Variants in PTPRU observed in about 807,000 individuals in gnomAD.
PTPRU encodes the protein protein tyrosine phosphatase receptor type U.
A neutral mutation model predicts 166.3 loss-of-function variants in PTPRU; 69 were observed. The ratio of observed to expected loss-of-function variants is 0.41; its 90% confidence interval spans 0.34 to 0.51. PTPRU has a LOEUF of 0.51. PTPRU is among the 20% of genes least tolerant of loss of function. The pLI is 0.09. For synonymous variants in PTPRU, 793 were observed against 814.0 expected, an observed-to-expected ratio of 0.97 and a Z score of 0.44; for missense variants, 1,657 against 2,013.7, an observed-to-expected ratio of 0.82 and a Z score of 3.39.
intron 11 of PTPRU, among the ~76,000 whole-genome samples, chr1:29,282,174 C>CA (rs1686108681): frequency 6.6e-6 from 1 of 152,204 alleles, no homozygotes; most frequent in Non-Finnish European, 1.5e-5. Context: ...TAGTGTATAG[C>CA]ACAGGGCTCA....
intron 7 of PTPRU, among the ~76,000 whole-genome samples, chr1:29,261,395 T>C (rs1685061074): frequency 6.6e-6 from 1 of 152,224 alleles, no homozygotes; most frequent in Non-Finnish European, 1.5e-5. Context: ...TGAGGTCTGC[T>C]CTTCCTTGTT....
chr1:29,262,269 A>G (rs974902378), intron 7 of PTPRU, among the ~76,000 whole-genome samples: 4 of 152,264 alleles, frequency 2.6e-5, no homozygotes, highest in Non-Finnish European at 4.4e-5. Flanking sequence ...ATCAGAGTAT[A>G]TAACCTCTAG....
rs1687867940 is a variant in PTPRU, at chr1:29,315,599, G to C, written c.3363+92G>C. ...TGGAGCCGGCAGAGCATGCCCAAAG[G>C]GTGTCCTGAGGCTCTTGCCTTCCCT... is the stretch of plus-strand genomic sequence containing the variant. On this transcript the variant is annotated intron_variant, in intron 23 of 29. Coordinates refer to ENST00000373779, the MANE Select transcript of PTPRU (RefSeq NM_133178.4). This position sits in a 1 kb window ranked among gnomAD's most constrained non-coding sequence, Gnocchi z 4.5. The C allele has an allele frequency of 1.3e-6, 2 of 1,541,648 alleles. No homozygotes were observed. The highest frequency in any genetic ancestry group is 2.3e-5 in the East Asian group (1 of 44,432).
At chr1:29,267,972 G>A (rs1685377543) in intron 7 of PTPRU, among the ~76,000 whole-genome samples, 1 of 152,190 alleles carries the variant, frequency 6.6e-6, no homozygotes, top group African/African-American at 2.4e-5. Context: ...TGCATTTGCT[G>A]ATGGATTGAA....
At chr1:29,286,423 T>C (rs897199275) in intron 14 of PTPRU, among the ~76,000 whole-genome samples, 3 of 151,926 alleles carry the variant, frequency 2.0e-5, no homozygotes, top group African/African-American at 7.3e-5. Context: ...TTTTTTTGGA[T>C]GAAGAAACTG....
intron 12 of PTPRU, 82 bp downstream of exon 12, chr1:29,283,031 C>G (rs1686161869): frequency 1.3e-6 from 2 of 1,548,744 alleles, no homozygotes; most frequent in Non-Finnish European, 1.7e-6. Flanking sequence ...GCAGGCCCAG[C>G]GCAGACTCCA....
chr1:29,242,421 A>G (rs1297054423), intron 1 of PTPRU, among the ~76,000 whole-genome samples: 1 of 152,120 alleles, frequency 6.6e-6, no homozygotes, highest in Non-Finnish European at 1.5e-5. Context: ...CTGTTTTTCA[A>G]CGGTCAGCCT....
intron 18 of PTPRU, among the ~76,000 whole-genome samples, chr1:29,308,840 AGT>A (rs765709593): frequency 2.0e-5 from 3 of 151,862 alleles, no homozygotes; most frequent in Non-Finnish European, 4.4e-5. Context: ...TGGGTAACAT[AGT>A]GAGACCCCAT....
At position 29,275,340 on chromosome 1, in the gene PTPRU, A is replaced by G; in HGVS notation, c.1145-108A>G. ...GGGGTCCCCTGAGCTCTTGGGGGCA[A>G]TGGAGGGATGATTTCAGGCAGCTGA... On this transcript the variant is annotated intron_variant, in intron 7 of 29. Transcript: ENST00000373779. 3 of 1,253,756 alleles carry G rather than the reference A, an allele frequency of 2.4e-6. No individual in the cohort carries two copies. In the South Asian group the frequency reaches 4.4e-5, roughly 19 times the overall value. 77.7% of individuals were successfully genotyped at this position (1,253,756 alleles called of 1,614,324 possible). A position where few individuals can be genotyped will look rare whatever the true frequency, so the allele number is the denominator to read the frequency against.
intron 1 of PTPRU, among the ~76,000 whole-genome samples, chr1:29,250,591 G>A (rs987057379): frequency 6.6e-6 from 1 of 152,194 alleles, no homozygotes; most frequent in Non-Finnish European, 1.5e-5. Flanking sequence ...TGGTCATGGT[G>A]GTAATTCACA....
intron 15 of PTPRU, among the ~76,000 whole-genome samples, chr1:29,299,744 C>T (rs1206758401): frequency 6.6e-6 from 1 of 152,196 alleles, no homozygotes; most frequent in Non-Finnish European, 1.5e-5. Context: ...AGCTGTCGGC[C>T]CACTTTCCAC....
chr1:29,240,768 G>A (rs961322054), intron 1 of PTPRU, among the ~76,000 whole-genome samples: 49 of 152,150 alleles, frequency 3.2e-4, no homozygotes, highest in Non-Finnish European at 2.2e-4. Flanking sequence ...GAGTCTCAAC[G>A]GTCTGTGTGA....
In PTPRU at chr1:29,320,395, G is replaced by T. The variant is rs1688099619; in HGVS notation, c.3688-290G>T. The T allele has an allele frequency of 9.0e-6, 3 of 334,878 alleles. No homozygotes were observed. Among genetic ancestry groups the T allele is most frequent in the Non-Finnish European group, 1.1e-5 (2 of 185,688 alleles). 20.7% of individuals were successfully genotyped at this position (334,878 alleles called of 1,614,324 possible). A position where few individuals can be genotyped will look rare whatever the true frequency, so the allele number is the denominator to read the frequency against. On this transcript the variant is annotated intron_variant, in intron 25 of 29. Coordinates refer to ENST00000373779, the MANE Select transcript of PTPRU (RefSeq NM_133178.4). This position sits in a 1 kb window ranked among gnomAD's most constrained non-coding sequence, Gnocchi z 5.2. ...CAGGGAGTAAGCTCGGCCAGCCTCTGCCTTGAGCTCAGCCTCATGCCCAAG... is the reference window on the plus strand; with the variant it reads ...CAGGGAGTAAGCTCGGCCAGCCTCTTCCTTGAGCTCAGCCTCATGCCCAAG...
intron 2 of PTPRU, among the ~76,000 whole-genome samples, chr1:29,256,813 C>G (rs941328214): frequency 6.6e-6 from 1 of 152,180 alleles, no homozygotes; most frequent in African/African-American, 2.4e-5. Context: ...TTGGAATTCA[C>G]CTCTTATAGT....
In PTPRU at chr1:29,308,585, A is replaced by AAAAAAG. The variant is rs1003417351; in HGVS notation, c.2821-2158_2821-2157insAAAAGA. On this transcript the variant is annotated intron_variant, in intron 18 of 29. Transcript: ENST00000373779. ...CTGTCTCAAAAAAAAAAAAAAAAAA[A>AAAAAAG]AGAGAGAGAGAGATGGGGTCTCACT... Among the ~76,000 whole-genome samples the AAAAAAG allele has an allele frequency of 2.0e-5, 3 of 150,502 alleles. 1 individual carries two copies. The highest frequency in any genetic ancestry group is 6.3e-3 in the Middle Eastern group (2 of 316).
rs1296749666 is a variant in PTPRU at position 29,260,233 on chromosome 1, C to T, written c.850+189C>T. The T allele has an allele frequency of 1.4e-5, 9 of 644,976 alleles. No individual in the cohort carries two copies. The highest frequency in any genetic ancestry group is 4.3e-5 in the Admixed American group (1 of 23,464). 40.0% of individuals were successfully genotyped at this position (644,976 alleles called of 1,614,324 possible). On this transcript the variant is annotated intron_variant, in intron 6 of 29. Transcript: ENST00000373779. This position sits in a 1 kb window ranked among gnomAD's most constrained non-coding sequence, Gnocchi z 8.3. ...CCGGGATGAGATCTGATCTAGGGGT[C>T]GGGGCTGGCTTCGAGGGGGACGGAC...
chr1:29,279,982 C>T lies in PTPRU; in HGVS notation c.1766-57C>T, dbSNP rs545974262. The T allele has an allele frequency of 2.6e-5, 39 of 1,517,884 alleles. No homozygotes were observed. The highest frequency in any genetic ancestry group is 3.4e-5 in the Non-Finnish European group (37 of 1,096,358). The allele number at this position is 1,517,884 out of a possible 1,614,324, so 94.0% of individuals were successfully genotyped here. The stretch of plus-strand genomic sequence containing the variant: ...GACTGTGGTCAAGGAGGCTGGAAGC[C>T]TGGTCTTCCTGGTCCAGTGGCCAAG... On this transcript the variant is annotated intron_variant, in intron 10 of 29. Coordinates refer to ENST00000373779, the MANE Select transcript of PTPRU (RefSeq NM_133178.4). The surrounding 1 kb of genome is among the most constrained non-coding windows in gnomAD (Gnocchi z 5.2).
At chr1:29,246,420 T>A (rs1371977710) in intron 1 of PTPRU, among the ~76,000 whole-genome samples, 1 of 152,196 alleles carries the variant, frequency 6.6e-6, no homozygotes, top group Non-Finnish European at 1.5e-5. Context: ...GGGACCACTT[T>A]CTTGGGCTTC....
chr1:29,260,715 G>A lies in PTPRU; in HGVS notation c.956G>A (p.Arg319His), dbSNP rs1241477456. 1.2e-6 allele frequency: 2 copies of A among 1,601,918 alleles called. No individual in the cohort carries two copies. The highest frequency in any genetic ancestry group is 1.3e-5 in the African/African-American group (1 of 74,426). ...NSIIGDGPIVRKEIEYRMARG... is the reference protein window; with the variant it reads ...NSIIGDGPIVHKEIEYRMARG... ...ATCATTGGCGACGGGCCGATCGTGC[G>A]CAAGGAGATTGAGTACCGCATGGCG... The change falls in exon 7 of 30, where the codon CGC becomes CAC. Residue 319 changes from arginine (R) to histidine (H), a missense_variant. Arg to His is a conservative substitution (Grantham distance 29). Around this residue, in one of 3 missense-constraint regions of PTPRU, gnomAD observed 453 missense variants for 496.9 expected, o/e 0.91. Coordinates refer to ENST00000373779, the MANE Select transcript of PTPRU (RefSeq NM_133178.4). This position sits in a 1 kb window ranked among gnomAD's most constrained non-coding sequence, Gnocchi z 8.3.
Sources: gnomAD v4.1 joint callset for allele counts (sites outside exome capture counted in the v4.1 genomes callset) on GRCh38, gnomAD v4.1.1 for gene constraint, gnomAD v4.1.1 regional missense constraint, Gnocchi (gnomAD v3.1) non-coding constraint, MANE v1.5 for transcripts, NCBI Gene and HGNC (gene_info 2026-07-23, HGNC 2026-07-21) for gene names.